Variants in STRA6 observed in about 807,000 individuals in gnomAD.
The protein encoded by STRA6 is receptor for retinol uptake STRA6.
In STRA6, 48 loss-of-function variants were observed where a neutral mutation model predicts 83.6. That is an observed-to-expected ratio of 0.57 (90% CI 0.46 to 0.73). STRA6 has a LOEUF of 0.73. Ranked by LOEUF, STRA6 falls within the 30% of genes least tolerant of loss-of-function variation. STRA6 has a pLI of 0.00. For synonymous variants in STRA6, 353 were observed against 362.3 expected (o/e 0.97, Z 0.29); for missense variants, 760 against 838.8 (o/e 0.91, Z 1.16).
chr15:74,189,821 C>T (rs112415731), intron 11 of STRA6, among the ~76,000 whole-genome samples: 6,179 of 151,942 alleles, frequency 0.041, 158 homozygotes, highest in Middle Eastern at 0.099. Context: ...GCGCCACCAC[C>T]GCCAGCTAAT....
intron 14 of STRA6, chr15:74,182,689 G>A (rs776310488): frequency 1.5e-4 from 85 of 554,268 alleles, no homozygotes; most frequent in Admixed American, 2.1e-4. Context: ...GCTGTTGTAA[G>A]GATCCAATGA....
chr15:74,202,962 A>G, upstream of STRA6: 1 of 985,286 alleles, frequency 1.0e-6, no homozygotes, highest in Non-Finnish European at 1.2e-6. Flanking sequence ...GGGTGTGGCC[A>G]GGAGCCACCC....
chr15:74,205,242 G>A (rs960701206), upstream of STRA6, among the ~76,000 whole-genome samples: 2 of 152,158 alleles, frequency 1.3e-5, no homozygotes, highest in African/African-American at 4.8e-5. Context: ...CATCTGTTTC[G>A]CATTGCTGTG....
intron 12 of STRA6, among the ~76,000 whole-genome samples, chr15:74,187,216 T>C (rs904003708): frequency 2.9e-4 from 44 of 152,198 alleles, no homozygotes; most frequent in African/African-American, 1.0e-3. Context: ...TTGATCTCCA[T>C]CCATCTACCT....
chr15:74,197,124 C>T (rs1466207742), intron 4 of STRA6, among the ~76,000 whole-genome samples: 1 of 152,174 alleles, frequency 6.6e-6, no homozygotes, highest in Non-Finnish European at 1.5e-5. Flanking sequence ...TCCTTTCTCC[C>T]AGGCGGGCTT....
At chr15:74,185,149 G>A in intron 12 of STRA6, 94 bp from the exon 13 acceptor site, 2 of 1,253,140 alleles carry the variant, frequency 1.6e-6, no homozygotes. Context: ...CTTGTGGGGA[G>A]TTCCCCCTGC....
upstream of STRA6, among the ~76,000 whole-genome samples, chr15:74,205,975 C>T (rs753297658): frequency 4.6e-5 from 7 of 152,208 alleles, no homozygotes; most frequent in Non-Finnish European, 7.3e-5. Context: ...CAGTGGAGAA[C>T]GCCTGGTTGG....
intron 12 of STRA6, among the ~76,000 whole-genome samples, chr15:74,185,851 T>C (rs557670724): frequency 7.5e-4 from 114 of 152,302 alleles, no homozygotes; most frequent in Non-Finnish European, 1.1e-3. Context: ...CTGCTAGGAA[T>C]GATAGAGTGA....
upstream of STRA6, chr15:74,209,402 ATGAAT>A (rs2074333242): frequency 6.5e-7 from 1 of 1,535,492 alleles, no homozygotes; most frequent in African/African-American, 1.4e-5. Flanking sequence ...CCACTGCCTG[ATGAAT>A]TGCCAGAGGG....
At chr15:74,190,694 G>T in intron 11 of STRA6, 146 bp downstream of exon 11, 1 of 1,200,866 alleles carries the variant, frequency 8.3e-7, no homozygotes, top group Non-Finnish European at 1.2e-6. Flanking sequence ...TTCTGGGTAG[G>T]CCAGAACTCC....
intron 7 of STRA6, chr15:74,194,657 GTTTGTC>G: frequency 1.2e-6 from 1 of 824,332 alleles, no homozygotes. Flanking sequence ...GCTAGGGACT[GTTTGTC>G]TTGTTCATAG....
At chr15:74,195,251 T>C (rs1364830055) in intron 7 of STRA6, 51 bp downstream of exon 7, 1 of 1,599,922 alleles carries the variant, frequency 6.3e-7, no homozygotes. Flanking sequence ...GTGGTTTGAG[T>C]AGGTTGCTCT....
intron 7 of STRA6, among the ~76,000 whole-genome samples, chr15:74,194,195 C>T (rs1412538337): frequency 2.7e-4 from 41 of 152,184 alleles, no homozygotes; most frequent in Non-Finnish European, 1.5e-5. Flanking sequence ...TGATTCCCTC[C>T]TGCCCCCCAC....
chr15:74,190,888 C>T lies in STRA6; in HGVS notation c.879G>A (p.Pro293=). The T allele has an allele frequency of 1.3e-5, 21 of 1,614,076 alleles. No individual in the cohort carries two copies. The highest frequency in any genetic ancestry group is 2.2e-5 in the East Asian group (1 of 44,888). Residue 293 remains proline, a synonymous_variant, in exon 11 of 19, where the codon CCG becomes CCA. Coordinates refer to ENST00000395105, the MANE Select transcript of STRA6 (RefSeq NM_022369.4). ...GTGTAGCTGAAAGCACCAGCTTCAG[C>T]GGGAGATGGAATCCTGTAGTCCTCA... ...IYTPQPGFHL[P]LKLVLSATLT...
At position 74,180,026 on chromosome 15, in the gene STRA6, T is replaced by G. The variant is rs1205672957; in HGVS notation, c.*54A>C. On this transcript the variant is annotated 3_prime_UTR_variant, in exon 19 of 19. Transcript: ENST00000395105. ...GAGAGCCGGGGAGGGAGGAGGATGG[T>G]AGGCAGGAACATGCCTCAGCACAGA... The G allele has an allele frequency of 1.9e-6, 3 of 1,588,114 alleles. No individual in the cohort carries two copies. Among genetic ancestry groups the G allele is most frequent in the Non-Finnish European group, 2.6e-6 (3 of 1,160,048 alleles).
chr15:74,191,347 C>T (rs2073529179), intron 9 of STRA6, 77 bp downstream of exon 9: 3 of 1,606,402 alleles, frequency 1.9e-6, no homozygotes, highest in African/African-American at 1.3e-5. Context: ...TGCCATGCTG[C>T]CCAGTGCCAG....
rs750234804 is a variant in STRA6, at chr15:74,184,954, T to G, written c.1166+26A>C. The G allele has an allele frequency of 3.1e-6, 5 of 1,611,178 alleles. No homozygotes were observed. The South Asian group carries it at 5.5e-5, about 18-fold the overall frequency. On this transcript the variant is annotated intron_variant, in intron 13 of 18. Coordinates refer to ENST00000395105, the MANE Select transcript of STRA6 (RefSeq NM_022369.4). ...TCCCACTCCTTCCCCACCTCGGCGC[T>G]GGGTGAGCCAGAGTCTGTCACTCAC...
upstream of STRA6, among the ~76,000 whole-genome samples, chr15:74,204,923 A>T (rs77232669): frequency 4.3e-3 from 643 of 149,552 alleles, 4 homozygotes; most frequent in African/African-American, 0.015. Context: ...CAAAAGAGGC[A>T]AACTCCATCT....
Position 74,196,143 on chromosome 15 carries a change from C to T in STRA6, c.271G>A (p.Val91Met). ...GGCCTGTCCCCAGCCAAGAAATCCA[C>T]AGGGCTAGCACAGAGGCAAGGACAG... ...VRGRPGLPSP[V>M]DFLAGDRPRA... The change falls in exon 5 of 19, where the codon GTG (valine) becomes ATG (methionine). Residue 91 changes from valine to methionine, a missense_variant. Transcript: ENST00000395105. 1 of 1,613,754 alleles carries T rather than the reference C, an allele frequency of 6.2e-7. No individual in the cohort carries two copies. The highest frequency in any genetic ancestry group is 8.5e-7 in the Non-Finnish European group (1 of 1,179,988).
Sources: gnomAD v4.1 joint callset for allele counts (sites outside exome capture counted in the v4.1 genomes callset) on GRCh38, gnomAD v4.1.1 for gene constraint, MANE v1.5 for transcripts, NCBI Gene and HGNC (gene_info 2026-07-23, HGNC 2026-07-21) for gene names.